The following DNAH7 variants were observed in gnomAD, a reference collection of about 807,000 sequenced individuals.
DNAH7 encodes the protein axonemal beta dynein heavy chain 7.
In DNAH7, 397 loss-of-function variants were observed where a neutral mutation model predicts 444.6. The observed-to-expected ratio is 0.89, with a 90% CI of 0.82 to 0.97. The LOEUF (loss-of-function observed/expected upper bound fraction) is 0.97. DNAH7 is among the 50% of genes least tolerant of loss of function. The pLI, the probability that DNAH7 is intolerant of heterozygous loss-of-function variation, is 0.00. For missense variants in DNAH7, 4,902 were observed against 4,800.8 expected (o/e 1.02, Z -0.62); for synonymous variants, 1,636 against 1,624.4 (o/e 1.01, Z -0.17).
chr2:195,853,224 A>C, intron 46 of DNAH7, 119 bp downstream of exon 46: 1 of 860,348 alleles, frequency 1.2e-6, no homozygotes, highest in Non-Finnish European at 1.7e-6. Flanking sequence ...AAATCATGCA[A>C]AAATACCTTC....
At chr2:196,036,031 T>C (rs1196395563) in intron 5 of DNAH7, among the ~76,000 whole-genome samples, 2 of 145,396 alleles carry the variant, frequency 1.4e-5, no homozygotes, top group Non-Finnish European at 3.0e-5. Context: ...CACATTCTTT[T>C]TTTTTTTTTT....
intron 24 of DNAH7, among the ~76,000 whole-genome samples, chr2:195,911,627 C>T (rs771318361): frequency 2.0e-5 from 3 of 151,988 alleles, no homozygotes; most frequent in Admixed American, 6.6e-5. Flanking sequence ...AAATTACCTA[C>T]AAAAGAATAA....
chr2:195,741,090 G>A (rs544244906), intron 63 of DNAH7: 7 of 238,548 alleles, frequency 2.9e-5, no homozygotes, highest in African/African-American at 1.6e-4. Context: ...AATTAGGTGT[G>A]GAAGACGAGA....
In DNAH7 at chr2:196,014,163, G is replaced by T. The variant is rs534644377; in HGVS notation, c.870-1257C>A. 2.6e-5 allele frequency among the ~76,000 whole-genome samples: 4 copies of T among 152,266 alleles called. No individual in the cohort carries two copies. The East Asian group carries it at 7.7e-4, about 29-fold the overall frequency. ...AACAGGAAAAATACTACCAGACACT[G>T]TTCTTGCTTTCTCAGGATAGTCCCT... On this transcript the variant is annotated intron_variant, in intron 9 of 64. Transcript: ENST00000312428.
chr2:195,786,098 C>T (rs572235745), intron 58 of DNAH7, among the ~76,000 whole-genome samples: 1 of 152,242 alleles, frequency 6.6e-6, no homozygotes, highest in Admixed American at 6.5e-5. Context: ...AGATTCTTCA[C>T]ATAAGTTTAG....
chr2:196,044,203 A>ATGTGTGTG lies in DNAH7; in HGVS notation c.398+3141_398+3148dup, dbSNP rs367981308. ...TAAAAAAATGTTTATATATATATATATGTGTGTGTGTGTGTGTGTGTGTAT... is the reference window on the plus strand; with the variant it reads ...TAAAAAAATGTTTATATATATATATATGTGTGTGTGTGTGTGTGTGTGTGTGTGTGTAT... On this transcript the variant is annotated intron_variant, in intron 5 of 64. Transcript: ENST00000312428. Among the ~76,000 whole-genome samples the ATGTGTGTG allele has an allele frequency of 4.2e-3, 616 of 147,072 alleles. 4 individuals are homozygous for ATGTGTGTG. Among genetic ancestry groups the ATGTGTGTG allele is most frequent in the African/African-American group, 0.015 (592 of 39,824 alleles).
intron 8 of DNAH7, among the ~76,000 whole-genome samples, chr2:196,023,246 C>G (rs1695486109): frequency 6.6e-6 from 1 of 152,040 alleles, no homozygotes; most frequent in Admixed American, 6.6e-5. Context: ...GAGATGCCTG[C>G]TCCCATTTTG....
chr2:195,893,225 C>T (rs911222070), intron 30 of DNAH7: 2 of 151,046 alleles, frequency 1.3e-5, no homozygotes, highest in African/African-American at 2.4e-5. Context: ...GCCAAGATTA[C>T]AGGAATGAGC....
intron 16 of DNAH7, 121 bp downstream of exon 16, chr2:195,972,121 G>C: frequency 1.4e-6 from 1 of 735,982 alleles, no homozygotes; most frequent in Non-Finnish European, 2.2e-6. Flanking sequence ...TGAGATTATA[G>C]CATTATAGTA....
chr2:195,971,596 G>C (rs1691845735), intron 16 of DNAH7, among the ~76,000 whole-genome samples: 1 of 152,144 alleles, frequency 6.6e-6, no homozygotes, highest in South Asian at 2.1e-4. Flanking sequence ...TGGGGCGGGG[G>C]TGTGCTCAGA....
intron 55 of DNAH7, 69 bp from the exon 56 acceptor site, chr2:195,796,806 A>G: frequency 6.0e-6 from 9 of 1,499,484 alleles, no homozygotes; most frequent in Non-Finnish European, 6.3e-6. Context: ...TGTTTTTTTA[A>G]AAGTTAACAT....
At chr2:195,874,512 T>A (rs1256692931) in intron 38 of DNAH7, among the ~76,000 whole-genome samples, 1 of 151,912 alleles carries the variant, frequency 6.6e-6, no homozygotes, top group African/African-American at 2.4e-5. Context: ...AAAGTGGACA[T>A]GTGAGTATAA....
intron 15 of DNAH7, among the ~76,000 whole-genome samples, chr2:195,977,312 A>T (rs1692275491): frequency 6.6e-6 from 1 of 152,258 alleles, no homozygotes; most frequent in Non-Finnish European, 1.5e-5. Context: ...AAATAATGAA[A>T]AAAGAATCAA....
At chr2:196,005,866 T>C (rs2125702205) in intron 10 of DNAH7, among the ~76,000 whole-genome samples, 1 of 152,130 alleles carries the variant, frequency 6.6e-6, no homozygotes, top group South Asian at 2.1e-4. Context: ...AAGAATGTTT[T>C]CCTACTCATT....
chr2:195,738,933 C>T (rs984472776), intron 64 of DNAH7, among the ~76,000 whole-genome samples: 3 of 152,142 alleles, frequency 2.0e-5, no homozygotes, highest in Non-Finnish European at 4.4e-5. Flanking sequence ...CTCTATTTCT[C>T]CCACTTAACT....
In DNAH7 at chr2:196,027,985, G is replaced by A. The variant is rs1559349242; in HGVS notation, c.461C>T (p.Ala154Val). The change falls in exon 6 of 65, where the codon GCT becomes GTT. Residue 154 changes from alanine to valine, a missense_variant. Transcript: ENST00000312428. ...CAAGATGTCTTTCTCTATAGCAGAAGCGGTCGGTTTTGGAATTGTGCTTCC... is the reference window on the plus strand; with the variant it reads ...CAAGATGTCTTTCTCTATAGCAGAAACGGTCGGTTTTGGAATTGTGCTTCC... The part of the protein sequence containing the change: ...PDGSTIPKPT[A>V]SAIEKDILRY... 4.3e-6 allele frequency: 7 copies of A among 1,612,434 alleles called. No individual in the cohort carries two copies. The highest frequency in any genetic ancestry group is 5.9e-6 in the Non-Finnish European group (7 of 1,179,014).
chr2:195,963,896 T>C (rs567124897), intron 17 of DNAH7, among the ~76,000 whole-genome samples: 8 of 152,356 alleles, frequency 5.3e-5, no homozygotes, highest in African/African-American at 1.9e-4. Context: ...CCTTGGCACT[T>C]TTCTCTAAAA....
At chr2:195,854,884 G>A (rs1434554082) in intron 45 of DNAH7, among the ~76,000 whole-genome samples, 1 of 152,144 alleles carries the variant, frequency 6.6e-6, no homozygotes, top group African/African-American at 2.4e-5. Context: ...CAAAAATCAT[G>A]CCATAATATG....
At position 195,881,984 on chromosome 2, in the gene DNAH7, T is replaced by C; in HGVS notation, c.5772A>G (p.Gly1924=). ...YDYQFVTEGI[G]KWEPWIKKLK... ...ATTTCTTTATCCATGGTTCCCATTT[T>C]CCTATTCCCTGTTTATAATTAACAA... The change falls in exon 36 of 65, where the codon GGA becomes GGG. Residue 1924 remains glycine (G), a synonymous_variant. Coordinates refer to ENST00000312428, the MANE Select transcript of DNAH7 (RefSeq NM_018897.3). The C allele has an allele frequency of 6.2e-7, 1 of 1,613,238 alleles. No homozygotes were observed. The highest frequency in any genetic ancestry group is 8.5e-7 in the Non-Finnish European group (1 of 1,179,502).
Sources: allele counts gnomAD v4.1 joint callset (sites outside exome capture counted in the v4.1 genomes callset), GRCh38; gene constraint gnomAD v4.1.1; transcripts MANE v1.5; gene names NCBI Gene and HGNC (gene_info 2026-07-23, HGNC 2026-07-21).